The following SMAP1 variants were observed in gnomAD, a reference collection of about 807,000 sequenced individuals.
SMAP1 encodes stromal membrane-associated protein 1.
A neutral mutation model predicts 58.5 loss-of-function variants in SMAP1; 24 were observed. That is an observed-to-expected ratio of 0.41 (90% CI 0.30 to 0.58). The LOEUF (loss-of-function observed/expected upper bound fraction) is 0.58. SMAP1 is among the 20% of genes least tolerant of loss of function. The pLI is 0.29. For missense variants in SMAP1, 563 were observed against 566.3 expected, an observed-to-expected ratio of 0.99 and a Z score of 0.06; for synonymous variants, 216 against 196.6, an observed-to-expected ratio of 1.10 and a Z score of -0.82.
At chr6:70,829,888 G>T (rs1480696378) in intron 6 of SMAP1, among the ~76,000 whole-genome samples, 2 of 152,146 alleles carry the variant, frequency 1.3e-5, no homozygotes, top group African/African-American at 4.8e-5. Flanking sequence ...CAGCTGTTAT[G>T]TCTGTTATTT....
intron 1 of SMAP1, among the ~76,000 whole-genome samples, chr6:70,726,038 A>G (rs1012189754): frequency 6.6e-6 from 1 of 152,160 alleles, no homozygotes; most frequent in Non-Finnish European, 1.5e-5. Context: ...TCACAGTTGC[A>G]TTTGGAGATT....
At chr6:70,803,501 C>G (rs1477959913) in intron 6 of SMAP1, among the ~76,000 whole-genome samples, 2 of 152,030 alleles carry the variant, frequency 1.3e-5, no homozygotes, top group African/African-American at 4.8e-5. Context: ...TCCTTCAGTT[C>G]TGCTCTGATC....
At chr6:70,709,558 G>C (rs1283254414) in intron 1 of SMAP1, among the ~76,000 whole-genome samples, 1 of 152,104 alleles carries the variant, frequency 6.6e-6, no homozygotes, top group Non-Finnish European at 1.5e-5. Flanking sequence ...CTGGGCACAA[G>C]TAATCCTCCT....
chr6:70,715,693 A>G (rs1421866700), intron 1 of SMAP1, among the ~76,000 whole-genome samples: 1 of 152,000 alleles, frequency 6.6e-6, no homozygotes, highest in East Asian at 1.9e-4. Flanking sequence ...GGGTTTTGGG[A>G]TGATTCAAGT....
intron 6 of SMAP1, among the ~76,000 whole-genome samples, chr6:70,833,166 A>T (rs924199164): frequency 2.6e-5 from 4 of 152,176 alleles, no homozygotes; most frequent in Non-Finnish European, 5.9e-5. Context: ...TTCCTTACCT[A>T]TGTAGTTTGT....
intron 1 of SMAP1, among the ~76,000 whole-genome samples, chr6:70,725,115 T>A (rs1191589191): frequency 3.6e-5 from 4 of 111,592 alleles, no homozygotes; most frequent in Non-Finnish European, 7.2e-5. Flanking sequence ...TTTTTTTTTT[T>A]TTTTTTTTTT....
chr6:70,688,874 A>G (rs1254516035), intron 1 of SMAP1, among the ~76,000 whole-genome samples: 1 of 151,982 alleles, frequency 6.6e-6, no homozygotes, highest in Non-Finnish European at 1.5e-5. Flanking sequence ...AGATTTTCTC[A>G]TATATTGTTT....
chr6:70,735,586 T>C (rs971306485), intron 2 of SMAP1, among the ~76,000 whole-genome samples: 1 of 152,110 alleles, frequency 6.6e-6, no homozygotes, highest in Non-Finnish European at 1.5e-5. Context: ...CTGGCCAACA[T>C]TACGAAGCCC....
intron 1 of SMAP1, among the ~76,000 whole-genome samples, chr6:70,728,262 C>T (rs1175623244): frequency 6.6e-6 from 1 of 152,048 alleles, no homozygotes; most frequent in African/African-American, 2.4e-5. Context: ...GGAACACAGG[C>T]CCAGTGTGGT....
In SMAP1 at chr6:70,787,070, C is replaced by G. The variant is rs1261086279; in HGVS notation, c.415-4619C>G. On this transcript the variant is annotated intron_variant, in intron 4 of 10. Coordinates refer to ENST00000370455, the MANE Select transcript of SMAP1 (RefSeq NM_001044305.3). ...AACTATACTACAAGGCTACAGTAACCAAAACAGCATGGTACTGGTACCAAA... is the reference window on the plus strand; with the variant it reads ...AACTATACTACAAGGCTACAGTAACGAAAACAGCATGGTACTGGTACCAAA... Among the ~76,000 whole-genome samples the G allele has an allele frequency of 2.2e-4, 33 of 152,216 alleles. No individual in the cohort carries two copies. In the East Asian group the frequency reaches 6.4e-3, roughly 29 times the overall value.
chr6:70,690,934 G>A (rs375641052), intron 1 of SMAP1, among the ~76,000 whole-genome samples: 11 of 149,142 alleles, frequency 7.4e-5, no homozygotes, highest in East Asian at 5.9e-4. Context: ...TTCCTTAATC[G>A]TTTGGTAGAT....
chr6:70,675,867 C>T (rs1366687431), intron 1 of SMAP1, among the ~76,000 whole-genome samples: 1 of 152,182 alleles, frequency 6.6e-6, no homozygotes, highest in Non-Finnish European at 1.5e-5. Context: ...AGTGATGAGT[C>T]TGTCATTGTG....
At chr6:70,764,076 C>T (rs1766863157) in intron 3 of SMAP1, among the ~76,000 whole-genome samples, 1 of 151,666 alleles carries the variant, frequency 6.6e-6, no homozygotes, top group African/African-American at 2.4e-5. Flanking sequence ...CCATGCCCAG[C>T]TAATTTTTTT....
intron 6 of SMAP1, among the ~76,000 whole-genome samples, chr6:70,818,667 G>A (rs1308039956): frequency 6.6e-6 from 1 of 152,040 alleles, no homozygotes; most frequent in Non-Finnish European, 1.5e-5. Flanking sequence ...AGCTGGGCTG[G>A]GGGATGCTAA....
At chr6:70,691,481 T>A (rs1290655897) in intron 1 of SMAP1, among the ~76,000 whole-genome samples, 6 of 152,180 alleles carry the variant, frequency 3.9e-5, no homozygotes, top group Non-Finnish European at 8.8e-5. Context: ...TTAGTTATTT[T>A]AAAATGTGTG....
intron 6 of SMAP1, among the ~76,000 whole-genome samples, chr6:70,831,344 T>A (rs1406765639): frequency 1.3e-5 from 2 of 152,146 alleles, no homozygotes; most frequent in Non-Finnish European, 1.5e-5. Context: ...TCACAGGGGT[T>A]TGGTGTACAG....
intron 6 of SMAP1, among the ~76,000 whole-genome samples, chr6:70,836,427 TATAAG>T (rs1177035065): frequency 6.6e-6 from 1 of 152,160 alleles, no homozygotes; most frequent in Non-Finnish European, 1.5e-5. Context: ...TTATGGGAGC[TATAAG>T]ATGAGATTTG....
intron 1 of SMAP1, among the ~76,000 whole-genome samples, chr6:70,669,004 T>A (rs1477590256): frequency 6.6e-6 from 1 of 152,218 alleles, no homozygotes; most frequent in African/African-American, 2.4e-5. Flanking sequence ...GTTGGAGGGC[T>A]TCTGCCTCAG....
chr6:70,739,762 A>T (rs1242550192), intron 2 of SMAP1, among the ~76,000 whole-genome samples: 1 of 151,508 alleles, frequency 6.6e-6, no homozygotes, highest in Non-Finnish European at 1.5e-5. Context: ...TTGCTTTTGG[A>T]TCCTTTTTGT....
Sources: allele counts gnomAD v4.1 joint callset (sites outside exome capture counted in the v4.1 genomes callset), GRCh38; gene constraint gnomAD v4.1.1; transcripts MANE v1.5; gene names NCBI Gene and HGNC (gene_info 2026-07-23, HGNC 2026-07-21).